Variants in USP28 observed in about 807,000 individuals in gnomAD.
USP28 encodes ubiquitin carboxyl-terminal hydrolase 28.
In USP28, 113 loss-of-function variants were observed where a neutral mutation model predicts 145.0. The observed-to-expected ratio is 0.78, with a 90% CI of 0.67 to 0.91. The LOEUF is 0.91. Ranked by LOEUF, USP28 falls within the 40% of genes least tolerant of loss-of-function variation. USP28 has a pLI of 0.00. For synonymous variants in USP28, 447 were observed against 450.9 expected (o/e 0.99, Z 0.11); for missense variants, 1,201 against 1,289.6 (o/e 0.93, Z 1.05).
chr11:113,837,203 T>C (rs1251179819), intron 5 of USP28, among the ~76,000 whole-genome samples: 2 of 152,226 alleles, frequency 1.3e-5, no homozygotes, highest in Admixed American at 1.3e-4. Flanking sequence ...TACTGTTCAT[T>C]TTCTATCTCA....
At chr11:113,814,063 C>A in intron 14 of USP28, 108 bp from the exon 15 acceptor site, 1 of 792,930 alleles carries the variant, frequency 1.3e-6, no homozygotes, top group Non-Finnish European at 2.0e-6. Context: ...ATGATTTCAG[C>A]TTCCCTCTAT....
At chr11:113,828,126 T>C (rs1182185363) in intron 10 of USP28, among the ~76,000 whole-genome samples, 1 of 152,236 alleles carries the variant, frequency 6.6e-6, no homozygotes, top group Non-Finnish European at 1.5e-5. Context: ...TGTCAACAGC[T>C]TTAAAATATT....
chr11:113,808,155 G>A lies in USP28; in HGVS notation c.2304+143C>T. 1.3e-6 allele frequency: 2 copies of A among 1,519,924 alleles called. No individual in the cohort carries two copies. Among genetic ancestry groups the A allele is most frequent in the Non-Finnish European group, 1.8e-6 (2 of 1,141,748 alleles). The allele number at this position is 1,519,924 out of a possible 1,614,324, so 94.2% of individuals were successfully genotyped here. On this transcript the variant is annotated intron_variant, in intron 18 of 24. Transcript: ENST00000003302. ...CTTTAAGCTGTGGCAGCAGAGTGGG[G>A]AGAAAGAGTAAGAAAAAACAGGAGA...
At chr11:113,853,381 A>T (rs562094765) in intron 2 of USP28, among the ~76,000 whole-genome samples, 1 of 145,586 alleles carries the variant, frequency 6.9e-6, no homozygotes, top group Non-Finnish European at 1.5e-5. Context: ...TTAATGTTTT[A>T]TGAGGAAACA....
At chr11:113,852,372 G>C in intron 3 of USP28, 129 bp downstream of exon 3, 1 of 1,264,634 alleles carries the variant, frequency 7.9e-7, no homozygotes. Context: ...CATAGCAATA[G>C]CTCAGTAATA....
chr11:113,834,141 A>G (rs1944315060), intron 6 of USP28, 108 bp downstream of exon 6: 3 of 726,596 alleles, frequency 4.1e-6, no homozygotes, highest in Non-Finnish European at 4.4e-6. Flanking sequence ...ACAAATAATT[A>G]GCACAAGCCA....
chr11:113,840,362 C>T (rs1945062881), intron 5 of USP28, among the ~76,000 whole-genome samples: 1 of 152,126 alleles, frequency 6.6e-6, no homozygotes, highest in South Asian at 2.1e-4. Flanking sequence ...ATATAGTATC[C>T]ACTAAATGCT....
At chr11:113,849,353 TGGAA>T (rs1309750654) in intron 3 of USP28, among the ~76,000 whole-genome samples, 1 of 152,228 alleles carries the variant, frequency 6.6e-6, no homozygotes, top group African/African-American at 2.4e-5. Context: ...ACATCCTATT[TGGAA>T]GGAAGGACGC....
intron 3 of USP28, among the ~76,000 whole-genome samples, chr11:113,842,446 G>A (rs1591369162): frequency 6.6e-6 from 1 of 151,892 alleles, no homozygotes; most frequent in Non-Finnish European, 1.5e-5. Flanking sequence ...TTTGCCGGGC[G>A]TGGTGGCGGG....
chr11:113,873,954 AAC>A (rs1229032534), intron 1 of USP28, among the ~76,000 whole-genome samples: 1 of 146,260 alleles, frequency 6.8e-6, no homozygotes, highest in Non-Finnish European at 1.5e-5. Context: ...CATCCTGGCC[AAC>A]ACAGTGAAAT....
intron 19 of USP28, among the ~76,000 whole-genome samples, chr11:113,805,535 C>T (rs1939803089): frequency 6.6e-6 from 1 of 152,150 alleles, no homozygotes; most frequent in African/African-American, 2.4e-5. Context: ...GGATTACAGG[C>T]ATGAGCCACT....
At chr11:113,834,198 G>C (rs1265240052) in intron 6 of USP28, 51 bp downstream of exon 6, 2 of 1,404,980 alleles carry the variant, frequency 1.4e-6, no homozygotes, top group Non-Finnish European at 2.0e-6. Flanking sequence ...AGAAGCCTTA[G>C]GGATGAAAGG....
intron 3 of USP28, among the ~76,000 whole-genome samples, chr11:113,845,567 A>G (rs1208750411): frequency 1.3e-5 from 2 of 152,224 alleles, no homozygotes; most frequent in African/African-American, 2.4e-5. Flanking sequence ...TGGGTATCCA[A>G]AAGAATCTAA....
intron 9 of USP28, among the ~76,000 whole-genome samples, chr11:113,830,419 A>G (rs1038427002): frequency 3.9e-5 from 6 of 152,192 alleles, no homozygotes; most frequent in African/African-American, 1.2e-4. Context: ...AATGTATTCT[A>G]AACTCTTCAT....
At chr11:113,836,189 G>A (rs1268119550) in intron 5 of USP28, among the ~76,000 whole-genome samples, 4 of 152,078 alleles carry the variant, frequency 2.6e-5, no homozygotes, top group Admixed American at 6.6e-5. Context: ...TGTTTTCTGC[G>A]TCACTTCATT....
intron 16 of USP28, among the ~76,000 whole-genome samples, chr11:113,810,782 C>A (rs575925605): frequency 6.6e-6 from 1 of 152,358 alleles, no homozygotes; most frequent in South Asian, 2.1e-4. Context: ...TCAAGCAATT[C>A]TCCTGCCTCA....
exon 3 of USP28, chr11:113,852,591 C>G (rs367985420): frequency 5.0e-5 from 81 of 1,614,024 alleles, no homozygotes; most frequent in Non-Finnish European, 6.8e-5. Flanking sequence ...ACTCTCTCAT[C>G]AGTGAGAAGG....
chr11:113,800,451 C>T (rs1938789061), intron 24 of USP28, among the ~76,000 whole-genome samples: 1 of 151,932 alleles, frequency 6.6e-6, no homozygotes, highest in Non-Finnish European at 1.5e-5. Context: ...TACACTATAC[C>T]CAGCTAAGTT....
At chr11:113,816,315 G>A (rs1052275435) in intron 13 of USP28, among the ~76,000 whole-genome samples, 3 of 152,148 alleles carry the variant, frequency 2.0e-5, no homozygotes, top group African/African-American at 7.2e-5. Context: ...AAGAGATCGA[G>A]ACCACCCTGG....
Sources: gnomAD v4.1 joint callset for allele counts (sites outside exome capture counted in the v4.1 genomes callset) on GRCh38, gnomAD v4.1.1 for gene constraint, MANE v1.5 for transcripts, NCBI Gene and HGNC (gene_info 2026-07-23, HGNC 2026-07-21) for gene names.